MAMLD1: variants seen among roughly 807,000 people sequenced by gnomAD.
The protein encoded by MAMLD1 is mastermind like domain containing 1, also known as mastermind-like domain-containing protein 1.
In MAMLD1, 14 loss-of-function variants were observed where a neutral mutation model predicts 45.0. The observed-to-expected ratio is 0.31, with a 90% confidence interval of 0.21 to 0.49. The LOEUF is 0.49. Among genes scored for constraint, MAMLD1 ranks in the 20% least tolerant of loss-of-function variants. MAMLD1 has a pLI of 0.99. For missense variants in MAMLD1, 543 were observed against 603.6 expected (o/e 0.90, Z 1.05); for synonymous variants, 254 against 247.8 (o/e 1.02, Z -0.24).
chrX:150,431,793 A>G (rs1485210620), intron 1 of MAMLD1, among the ~76,000 whole-genome samples: 6 of 110,194 alleles, frequency 5.4e-5, no homozygotes, highest in Non-Finnish European at 1.1e-4. Context: ...GTGTATATAT[A>G]CAACATTTTC....
At chrX:150,493,233 G>A (rs188454064) in intron 5 of MAMLD1, among the ~76,000 whole-genome samples, 113 of 111,489 alleles carry the variant, frequency 1.0e-3, no homozygotes, top group Middle Eastern at 4.6e-3. Context: ...AGTGTGCTGA[G>A]CTAGGTACTT....
rs914561583 is a variant in MAMLD1 at position 150,440,951 on chromosome X, A to G, written c.-63-4503A>G. On this transcript the variant is annotated intron_variant, in intron 1 of 7. Coordinates refer to ENST00000370401, the MANE Select transcript of MAMLD1 (RefSeq NM_005491.5). ...TATAATATTATTATTTATTATTAAA[A>G]TAATTTAATAAAAATTATTAAATAT... 3.4e-4 allele frequency among the ~76,000 whole-genome samples: 36 copies of G among 104,815 alleles called. 1 individual carries two copies. Among genetic ancestry groups the G allele is most frequent in the Admixed American group, 1.1e-3 (10 of 9,265 alleles). 91.0% of individuals were successfully genotyped at this position (104,815 alleles called of 115,157 possible).
At chrX:150,446,211 C>T (rs1167981767) in intron 2 of MAMLD1, among the ~76,000 whole-genome samples, 1 of 111,886 alleles carries the variant, frequency 8.9e-6, no homozygotes, top group African/African-American at 3.3e-5. Flanking sequence ...TTTAATTTGA[C>T]AATAAAAGCC....
chrX:150,493,750 T>C (rs1055585429), intron 5 of MAMLD1, among the ~76,000 whole-genome samples: 1 of 112,214 alleles, frequency 8.9e-6, no homozygotes, highest in Non-Finnish European at 1.9e-5. Context: ...TCATCTGTTT[T>C]GTGTTGATCC....
intron 5 of MAMLD1, among the ~76,000 whole-genome samples, chrX:150,479,467 T>C (rs895080307): frequency 2.0e-4 from 22 of 112,645 alleles, no homozygotes; most frequent in African/African-American, 7.1e-4. Context: ...TTTTGTTTTT[T>C]GTTTGTTTTG....
At chrX:150,500,895 TTTTA>T (rs2037531732) in intron 5 of MAMLD1, among the ~76,000 whole-genome samples, 1 of 111,468 alleles carries the variant, frequency 9.0e-6, no homozygotes, top group Non-Finnish European at 1.9e-5. Flanking sequence ...ATCTCATCTC[TTTTA>T]TTTATTTTTT....
chrX:150,404,707 G>C (rs1404790925), intron 1 of MAMLD1, among the ~76,000 whole-genome samples: 2 of 111,632 alleles, frequency 1.8e-5, no homozygotes, highest in East Asian at 5.6e-4. Context: ...TCCATCATCT[G>C]CAGGCAACCA....
intron 5 of MAMLD1, among the ~76,000 whole-genome samples, chrX:150,494,845 CT>C (rs782768446): frequency 9.0e-6 from 1 of 111,244 alleles, no homozygotes; most frequent in South Asian, 3.7e-4. Flanking sequence ...GATTGCACTA[CT>C]GCACTCCAGC....
At chrX:150,367,166 T>C (rs1178917959) in intron 1 of MAMLD1, among the ~76,000 whole-genome samples, 1 of 108,857 alleles carries the variant, frequency 9.2e-6, no homozygotes, top group African/African-American at 3.4e-5. Context: ...TGACTTCGTC[T>C]GTTTTCCTGC....
At chrX:150,420,743 G>A (rs2034464940) in intron 1 of MAMLD1, among the ~76,000 whole-genome samples, 1 of 111,592 alleles carries the variant, frequency 9.0e-6, no homozygotes, top group Non-Finnish European at 1.9e-5. Flanking sequence ...TCCCAGTTAG[G>A]CTGCTCGGGG....
At chrX:150,397,410 T>C (rs1248527974) in intron 1 of MAMLD1, among the ~76,000 whole-genome samples, 1 of 112,077 alleles carries the variant, frequency 8.9e-6, no homozygotes, top group Non-Finnish European at 1.9e-5. Context: ...TCAGGAGTGT[T>C]TTAGAATGTC....
intron 1 of MAMLD1, among the ~76,000 whole-genome samples, chrX:150,402,399 G>A (rs368756392): frequency 0.28 from 29,232 of 103,402 alleles, 4,477 homozygotes; most frequent in African/African-American, 0.51. Context: ...TTAGAATGGC[G>A]ATCATTAAAA....
intron 5 of MAMLD1, among the ~76,000 whole-genome samples, chrX:150,491,099 C>T (rs1557407929): frequency 9.0e-6 from 1 of 111,223 alleles, no homozygotes; most frequent in Non-Finnish European, 1.9e-5. Context: ...CAAGACTGTC[C>T]ACTGCACTGA....
At chrX:150,455,756 G>T (rs2745664) in intron 2 of MAMLD1, among the ~76,000 whole-genome samples, 4 of 93,083 alleles carry the variant, frequency 4.3e-5, no homozygotes, top group Non-Finnish European at 6.3e-5. Context: ...TTGTTGTGCA[G>T]AAGGTTTTCT....
At position 150,393,562 on chromosome X, in the gene MAMLD1, A is replaced by G. The variant is rs138635103; in HGVS notation, c.-64+30032A>G. On this transcript the variant is annotated intron_variant, in intron 1 of 7. Transcript: ENST00000370401. ...TGTACCACTTCGCATTCCCACCAGC[A>G]ATGAATGAGAGCTCCTACTGCTCCA... Among the ~76,000 whole-genome samples, 908 of 112,290 alleles carry G rather than the reference A, an allele frequency of 8.1e-3. 3 individuals carry two copies. The highest frequency in any genetic ancestry group is 0.014 in the Middle Eastern group (3 of 219).
Position 150,470,770 on chromosome X carries a change from G to T in MAMLD1, c.1197G>T (p.Leu399=). 8.3e-7 allele frequency: 1 copy of T among 1,211,846 alleles called. No homozygotes were observed. Among genetic ancestry groups the T allele is most frequent in the Non-Finnish European group, 1.1e-6 (1 of 895,562 alleles). The part of the protein sequence containing the change: ...SSMTSSSNAA[L]GPAMPYAPEK... The stretch of plus-strand genomic sequence containing the variant: ...TGACGTCCAGCAGCAATGCTGCCCT[G>T]GGGCCCGCCATGCCCTATGCTCCTG... The change falls in exon 4 of 8, where the codon CTG becomes CTT. Residue 399 remains leucine, a synonymous_variant. Coordinates refer to ENST00000370401, the MANE Select transcript of MAMLD1 (RefSeq NM_005491.5).
At chrX:150,502,620 C>T (rs1557408591) in intron 5 of MAMLD1, among the ~76,000 whole-genome samples, 2 of 112,023 alleles carry the variant, frequency 1.8e-5, no homozygotes, top group Non-Finnish European at 3.8e-5. Flanking sequence ...AGGGGAGGTC[C>T]CACCCACACA....
intron 2 of MAMLD1, among the ~76,000 whole-genome samples, chrX:150,450,296 T>C (rs782698747): frequency 2.8e-4 from 31 of 112,040 alleles, no homozygotes; most frequent in African/African-American, 1.0e-3. Flanking sequence ...ACAGAGTGAG[T>C]TGTCGAAACA....
At chrX:150,501,694 T>C (rs1483590851) in intron 5 of MAMLD1, among the ~76,000 whole-genome samples, 2 of 112,821 alleles carry the variant, frequency 1.8e-5, no homozygotes, top group Non-Finnish European at 3.7e-5. Context: ...TGTCTTCTTA[T>C]TCCCATTTTT....
Sources: allele counts gnomAD v4.1 joint callset (sites outside exome capture counted in the v4.1 genomes callset), GRCh38; gene constraint gnomAD v4.1.1; transcripts MANE v1.5; gene names NCBI Gene and HGNC (gene_info 2026-07-23, HGNC 2026-07-21).